Variants in CENPP observed in about 807,000 individuals in gnomAD.
CENPP encodes the protein centromere protein P.
In CENPP, 24 loss-of-function variants were observed where a neutral mutation model predicts 35.6. That is an observed-to-expected ratio of 0.67 (90% CI 0.49 to 0.95). CENPP has a LOEUF of 0.95. Ranked by LOEUF, CENPP falls within the 40% of genes least tolerant of loss-of-function variation. The pLI is 0.00. For synonymous variants in CENPP, 120 were observed against 125.5 expected (o/e 0.96, Z 0.29); for missense variants, 332 against 345.3 (o/e 0.96, Z 0.31).
chr9:92,593,990 AATTTGG>A lies in CENPP; in HGVS notation c.565-17322_565-17317del, dbSNP rs1850720681. Among the ~76,000 whole-genome samples the A allele has an allele frequency of 6.6e-6, 1 of 152,182 alleles. No individual in the cohort carries two copies. The highest frequency in any genetic ancestry group is 1.5e-5 in the Non-Finnish European group (1 of 68,024). On this transcript the variant is annotated intron_variant, in intron 5 of 7. Coordinates refer to ENST00000375587, the MANE Select transcript of CENPP (RefSeq NM_001012267.3). The surrounding 1 kb of genome is among the most constrained non-coding windows in gnomAD (Gnocchi z 4.1). ...GGCAAAACTGAGGAAATCTGAATGA[AATTTGG>A]ACTTTAGTTATAGTAGTGATGCAGC...
chr9:92,515,331 A>G, intron 5 of CENPP: 1 of 1,215,172 alleles, frequency 8.2e-7, no homozygotes, highest in Non-Finnish European at 1.0e-6. Context: ...TAAAGATGAA[A>G]TGCACCTTGA....
chr9:92,550,125 T>C (rs10117680), intron 5 of CENPP, among the ~76,000 whole-genome samples: 65,298 of 152,052 alleles, frequency 0.43, 16,622 homozygotes, highest in African/African-American at 0.71. Context: ...GGGCCGGGCG[T>C]GGTGGCTCAC....
Position 92,337,744 on chromosome 9 carries a change from C to T in CENPP, c.378+115C>T, listed in dbSNP as rs1021170018. 2.1e-4 allele frequency: 155 copies of T among 740,142 alleles called. 1 individual carries two copies. The highest frequency in any genetic ancestry group is 3.6e-5 in the Non-Finnish European group (15 of 413,808). The allele number at this position is 740,142 out of a possible 1,614,324, so 45.8% of individuals were successfully genotyped here. On this transcript the variant is annotated intron_variant, in intron 3 of 7. Coordinates refer to ENST00000375587, the MANE Select transcript of CENPP (RefSeq NM_001012267.3). ...GAAGAGGAGTTCATGAGCCAGGGCC[C>T]CCCCATTCATAGCACATTTGTGCAA...
chr9:92,410,238 A>G (rs1305338220), intron 5 of CENPP, among the ~76,000 whole-genome samples: 1 of 152,054 alleles, frequency 6.6e-6, no homozygotes, highest in East Asian at 1.9e-4. Context: ...GCCCAGCCTC[A>G]TTGTTTTGTT....
intron 5 of CENPP, among the ~76,000 whole-genome samples, chr9:92,382,746 T>C (rs1293559236): frequency 6.6e-6 from 1 of 152,148 alleles, no homozygotes; most frequent in Non-Finnish European, 1.5e-5. Flanking sequence ...AGCACCATTG[T>C]TGAAGAGACT....
At chr9:92,425,955 A>G (rs1296686690) in intron 5 of CENPP, among the ~76,000 whole-genome samples, 7 of 152,240 alleles carry the variant, frequency 4.6e-5, no homozygotes, top group African/African-American at 1.4e-4. Flanking sequence ...CCTAATGTTT[A>G]TATAACTTCT....
chr9:92,397,369 C>T (rs1375821135), intron 5 of CENPP, among the ~76,000 whole-genome samples: 1 of 152,102 alleles, frequency 6.6e-6, no homozygotes, highest in Admixed American at 6.6e-5. Context: ...GCCCTGTCAC[C>T]CAGGCTGGAG....
chr9:92,525,822 G>A (rs914156357), intron 5 of CENPP, among the ~76,000 whole-genome samples: 10 of 150,596 alleles, frequency 6.6e-5, no homozygotes, highest in Admixed American at 4.0e-4. Flanking sequence ...CCCGGGAGGC[G>A]GAGGTTGCAC....
chr9:92,561,140 T>C (rs760245036), intron 5 of CENPP, among the ~76,000 whole-genome samples: 6 of 152,190 alleles, frequency 3.9e-5, no homozygotes, highest in Admixed American at 2.0e-4. Context: ...ATGAGTTACA[T>C]ACCTGTTTTA....
chr9:92,470,830 G>A (rs911193559), intron 5 of CENPP: 3 of 1,075,652 alleles, frequency 2.8e-6, no homozygotes, highest in Admixed American at 2.6e-5. Flanking sequence ...TGCTGAAGAT[G>A]AGATTACTAA....
At chr9:92,393,367 A>G (rs866499339) in intron 5 of CENPP, 2 of 716,460 alleles carry the variant, frequency 2.8e-6, no homozygotes, top group Non-Finnish European at 4.4e-6. Flanking sequence ...ACAGAATCAT[A>G]AGAAAGATAG....
chr9:92,541,226 G>A (rs554781286), intron 5 of CENPP, among the ~76,000 whole-genome samples: 146 of 152,078 alleles, frequency 9.6e-4, no homozygotes, highest in African/African-American at 3.3e-3. Flanking sequence ...GCCACTGCAC[G>A]CCAGCCTGGG....
chr9:92,361,595 T>C (rs988669900), intron 4 of CENPP, among the ~76,000 whole-genome samples: 8 of 151,852 alleles, frequency 5.3e-5, no homozygotes, highest in African/African-American at 1.9e-4. Context: ...TTCTCCTGCC[T>C]CAGCCTCCTG....
intron 5 of CENPP, among the ~76,000 whole-genome samples, chr9:92,458,923 A>G (rs1844986445): frequency 2.0e-5 from 3 of 152,186 alleles, no homozygotes; most frequent in Admixed American, 2.0e-4. Flanking sequence ...CCGGAAAGAA[A>G]AAGAGAAGAG....
chr9:92,508,365 C>T (rs1235460002), intron 5 of CENPP, among the ~76,000 whole-genome samples: 1 of 152,212 alleles, frequency 6.6e-6, no homozygotes, highest in African/African-American at 2.4e-5. Context: ...AGCCCGTTCA[C>T]CCTGGCTTCC....
intron 5 of CENPP, among the ~76,000 whole-genome samples, chr9:92,458,196 G>T (rs965057041): frequency 2.6e-5 from 4 of 152,190 alleles, no homozygotes; most frequent in African/African-American, 9.7e-5. Context: ...AAAAAGTATG[G>T]TAAATAGAGG....
At chr9:92,361,251 C>T (rs996043689) in intron 4 of CENPP, among the ~76,000 whole-genome samples, 8 of 151,302 alleles carry the variant, frequency 5.3e-5, no homozygotes, top group Non-Finnish European at 8.8e-5. Context: ...AGTGATTCTC[C>T]AGCCTCAGCC....
At chr9:92,466,860 A>G (rs1457893537) in intron 5 of CENPP, among the ~76,000 whole-genome samples, 3 of 152,122 alleles carry the variant, frequency 2.0e-5, no homozygotes, top group Non-Finnish European at 4.4e-5. Flanking sequence ...TTCAACCTCT[A>G]CTCAGCCTCC....
At chr9:92,511,956 T>C in intron 5 of CENPP, 1 of 1,357,324 alleles carries the variant, frequency 7.4e-7, no homozygotes, top group Non-Finnish European at 1.0e-6. Flanking sequence ...CTCCAACCAA[T>C]GCAAGTCATA....
Sources: gnomAD v4.1 joint callset for allele counts (sites outside exome capture counted in the v4.1 genomes callset) on GRCh38, gnomAD v4.1.1 for gene constraint, Gnocchi (gnomAD v3.1) non-coding constraint, MANE v1.5 for transcripts, NCBI Gene and HGNC (gene_info 2026-07-23, HGNC 2026-07-21) for gene names.